The following ATRX variants were observed in gnomAD, a reference collection of about 807,000 sequenced individuals.
The protein encoded by ATRX is chromatin remodeler ATRX.
Under a neutral mutation model 172.6 loss-of-function variants are expected in ATRX, and 12 were observed. That is an observed-to-expected ratio of 0.07 (90% CI 0.04 to 0.11). The LOEUF is 0.11. Ranked by LOEUF, ATRX falls within the 10% of genes least tolerant of loss-of-function variation. The pLI, the probability that ATRX is intolerant of heterozygous loss-of-function variation, is 1.00. For missense variants in ATRX, 1,368 were observed against 1,767.4 expected (o/e 0.77, Z 4.05); for synonymous variants, 674 against 594.7 (o/e 1.13, Z -1.94).
At chrX:77,608,915 T>C (rs1193599923) in intron 22 of ATRX, among the ~76,000 whole-genome samples, 1 of 111,487 alleles carries the variant, frequency 9.0e-6, no homozygotes, top group Non-Finnish European at 1.9e-5. Flanking sequence ...ACAACCTAAT[T>C]AAAAAATTGG....
At chrX:77,727,599 C>A (rs897453088) in intron 1 of ATRX, among the ~76,000 whole-genome samples, 20 of 106,541 alleles carry the variant, frequency 1.9e-4, no homozygotes, top group Non-Finnish European at 2.9e-4. Flanking sequence ...CCAAACACTG[C>A]ATGTTCTCAC....
rs1205903424 is a variant in ATRX, at chrX:77,683,442, C to A, written c.1814G>T (p.Cys605Phe). 8.3e-7 allele frequency: 1 copy of A among 1,209,787 alleles called. No individual in the cohort carries two copies. The highest frequency in any genetic ancestry group is 1.1e-6 in the Non-Finnish European group (1 of 893,638). The change falls in exon 9 of 35, where the codon TGT (cysteine) becomes TTT (phenylalanine). Residue 605 changes from cysteine (C) to phenylalanine (F), a missense_variant. By Grantham distance (205) the Cys-to-Phe change is radical. Around this residue, in one of 17 missense-constraint regions of ATRX, gnomAD observed 843 missense variants for 643.1 expected, o/e 1.31. Coordinates refer to ENST00000373344, the MANE Select transcript of ATRX (RefSeq NM_000489.6). ...LSNSPIKGAD[C>F]QEVPQDKDGY... Reference sequence around the variant, plus strand: ...ATCTTTATCTTGTGGAACTTCCTGACAATCAGCACCTTTAATTGGGGAATT... The same window carrying A: ...ATCTTTATCTTGTGGAACTTCCTGAAAATCAGCACCTTTAATTGGGGAATT...
chrX:77,664,844 T>A (rs2148499678), intron 10 of ATRX, 66 bp from the exon 11 acceptor site: 13 of 999,829 alleles, frequency 1.3e-5, no homozygotes, highest in Non-Finnish European at 1.8e-5. Context: ...AAATTAAAAA[T>A]AAAAACAGAC....
chrX:77,778,720 CAAAAA>C (rs782545336), intron 1 of ATRX, among the ~76,000 whole-genome samples: 1 of 49,516 alleles, frequency 2.0e-5, no homozygotes, highest in Admixed American at 2.5e-4. Context: ...GACTACGTCT[CAAAAA>C]AAAAAAAAAA....
intron 12 of ATRX, among the ~76,000 whole-genome samples, chrX:77,661,508 G>C (rs1229395663): frequency 1.9e-5 from 2 of 108,080 alleles, no homozygotes; most frequent in Non-Finnish European, 3.8e-5. Flanking sequence ...GCATCCTTTA[G>C]AGCCTATTAT....
In ATRX at chrX:77,593,752, C is replaced by T; in HGVS notation, c.6054G>A (p.Gly2018=). The change falls in exon 26 of 35, where the codon GGG becomes GGA. Residue 2018 remains glycine (G), a synonymous_variant. Coordinates refer to ENST00000373344, the MANE Select transcript of ATRX (RefSeq NM_000489.6). ...DADAEVLEHS[G]KMVLLFEILR... Reference sequence around the variant, plus strand: ...GAATTTCAAAGAGAAGTACCATTTTCCCAGAATGCTCTAAAACCTCAGCAT... The same window carrying T: ...GAATTTCAAAGAGAAGTACCATTTTTCCAGAATGCTCTAAAACCTCAGCAT... 8.3e-7 allele frequency: 1 copy of T among 1,210,829 alleles called. No homozygotes were observed. The highest frequency in any genetic ancestry group is 1.1e-6 in the Non-Finnish European group (1 of 894,628).
chrX:77,767,964 TGA>T (rs1348263322), intron 1 of ATRX, among the ~76,000 whole-genome samples: 1 of 111,442 alleles, frequency 9.0e-6, no homozygotes, highest in Admixed American at 9.6e-5. Flanking sequence ...CAGTTTAAAA[TGA>T]GAGACTGAAC....
At chrX:77,628,400 A>T (rs1445290486) in intron 19 of ATRX, among the ~76,000 whole-genome samples, 1 of 112,656 alleles carries the variant, frequency 8.9e-6, no homozygotes, top group African/African-American at 3.2e-5. Context: ...TAAGTTAGGG[A>T]AGAAAGGTCA....
At chrX:77,745,274 G>C (rs1264290983) in intron 1 of ATRX, among the ~76,000 whole-genome samples, 1 of 108,147 alleles carries the variant, frequency 9.2e-6, no homozygotes. Context: ...ATATCAAAGA[G>C]TTATCTGCAC....
intron 22 of ATRX, among the ~76,000 whole-genome samples, chrX:77,614,108 C>G (rs1490621756): frequency 3.6e-5 from 4 of 111,785 alleles, no homozygotes; most frequent in Non-Finnish European, 7.5e-5. Context: ...ATGTTAAAAA[C>G]AAAATTTGGG....
Position 77,594,190 on chromosome X carries a change from C to G in ATRX, c.5957-341G>C, listed in dbSNP as rs191471729. 1.2e-4 allele frequency: 18 copies of G among 151,448 alleles called. No individual in the cohort carries two copies. In the East Asian group the frequency reaches 3.0e-3, roughly 26 times the overall value. The allele number at this position is 151,448 out of a possible 1,213,427, so 12.5% of individuals were successfully genotyped here. A position where few individuals can be genotyped will look rare whatever the true frequency, so the allele number is the denominator to read the frequency against. ...GACAGAGACCCAAAGAGAAGAGAAACCATCCCCTTCCCACCAGGCCCTAAG... is the reference window on the plus strand; with the variant it reads ...GACAGAGACCCAAAGAGAAGAGAAAGCATCCCCTTCCCACCAGGCCCTAAG... On this transcript the variant is annotated intron_variant, in intron 25 of 34. Coordinates refer to ENST00000373344, the MANE Select transcript of ATRX (RefSeq NM_000489.6).
At chrX:77,608,016 A>G (rs1224212678) in intron 22 of ATRX, among the ~76,000 whole-genome samples, 1 of 111,072 alleles carries the variant, frequency 9.0e-6, no homozygotes, top group African/African-American at 3.3e-5. Flanking sequence ...AACTGGAGGA[A>G]TCACATTACA....
intron 34 of ATRX, among the ~76,000 whole-genome samples, chrX:77,510,242 C>T (rs931272245): frequency 1.8e-5 from 2 of 111,385 alleles, no homozygotes; most frequent in Non-Finnish European, 3.8e-5. Flanking sequence ...CAGGATTCAA[C>T]ATCTGTTGTC....
intron 1 of ATRX, among the ~76,000 whole-genome samples, chrX:77,769,189 C>T (rs782535000): frequency 3.9e-4 from 43 of 111,359 alleles, no homozygotes; most frequent in Non-Finnish European, 6.2e-4. Context: ...GACCCCATCT[C>T]AAATAAGTAT....
chrX:77,764,011 G>A (rs1557194236), intron 1 of ATRX, among the ~76,000 whole-genome samples: 1 of 110,373 alleles, frequency 9.1e-6, no homozygotes, highest in Non-Finnish European at 1.9e-5. Flanking sequence ...CTACTGTGGA[G>A]GCTAAGGTGG....
At chrX:77,745,487 T>C (rs1330963743) in intron 1 of ATRX, among the ~76,000 whole-genome samples, 2 of 111,319 alleles carry the variant, frequency 1.8e-5, no homozygotes, top group Non-Finnish European at 3.8e-5. Context: ...AATCTAGACA[T>C]AGAAAAACAA....
intron 25 of ATRX, chrX:77,596,446 T>A (rs1265493573): frequency 2.6e-5 from 1 of 38,754 alleles, no homozygotes. Context: ...AAAAATAAAT[T>A]TTTATTATCT....
At chrX:77,722,088 T>G (rs2073801443) in intron 1 of ATRX, among the ~76,000 whole-genome samples, 2 of 111,893 alleles carry the variant, frequency 1.8e-5, no homozygotes, top group Non-Finnish European at 3.8e-5. Flanking sequence ...GACTCCCTAT[T>G]TAATAAATGG....
intron 28 of ATRX, among the ~76,000 whole-genome samples, chrX:77,570,334 A>T (rs1201050093): frequency 2.8e-5 from 3 of 108,418 alleles, no homozygotes; most frequent in Non-Finnish European, 5.7e-5. Context: ...GTGCATCACC[A>T]TGCCTGGGTA....
Sources: allele counts gnomAD v4.1 joint callset (sites outside exome capture counted in the v4.1 genomes callset), GRCh38; gene constraint gnomAD v4.1.1; regional missense constraint gnomAD v4.1.1; transcripts MANE v1.5; gene names NCBI Gene and HGNC (gene_info 2026-07-23, HGNC 2026-07-21).